Variants in ERICH1 observed in about 807,000 individuals in gnomAD.
ERICH1 encodes the protein glutamate rich 1, also known as glutamate-rich protein 1.
Under a neutral mutation model 39.6 loss-of-function variants are expected in ERICH1, and 56 were observed. That is an observed-to-expected ratio of 1.41 (90% confidence interval 1.14 to 1.77). ERICH1 has a LOEUF of 1.77. Among genes scored for constraint, ERICH1 ranks in the 40% most tolerant of loss-of-function variants. ERICH1 has a pLI of 0.00. For synonymous variants in ERICH1, 313 were observed against 223.6 expected (o/e 1.40, Z -3.57); for missense variants, 826 against 575.4 (o/e 1.44, Z -4.45).
At chr8:703,881 CAA>C (rs932158237) in intron 2 of ERICH1, among the ~76,000 whole-genome samples, 4 of 152,182 alleles carry the variant, frequency 2.6e-5, no homozygotes, top group Non-Finnish European at 5.9e-5. Flanking sequence ...ATCAAGGAAA[CAA>C]GAGAGTGGCA....
chr8:718,289 T>A (rs1286090391), intron 1 of ERICH1, among the ~76,000 whole-genome samples: 1 of 152,112 alleles, frequency 6.6e-6, no homozygotes, highest in Non-Finnish European at 1.5e-5. Context: ...TGGAGCGCAC[T>A]GAGTCTGGCC....
At chr8:674,592 T>C (rs934472211) in intron 3 of ERICH1, among the ~76,000 whole-genome samples, 3 of 152,212 alleles carry the variant, frequency 2.0e-5, no homozygotes, top group East Asian at 1.9e-4. Flanking sequence ...GAATGAGCCA[T>C]TGCGCCTGGC....
At chr8:629,188 T>G (rs944708573) in intron 3 of ERICH1, among the ~76,000 whole-genome samples, 2 of 152,070 alleles carry the variant, frequency 1.3e-5, no homozygotes, top group South Asian at 4.1e-4. Flanking sequence ...CAGCACCCCC[T>G]TCCTAGCCAC....
At chr8:654,328 A>G (rs1585058470) in intron 3 of ERICH1, among the ~76,000 whole-genome samples, 1 of 152,132 alleles carries the variant, frequency 6.6e-6, no homozygotes, top group African/African-American at 2.4e-5. Flanking sequence ...TTGTGCTACC[A>G]TTAGGATGGA....
intron 2 of ERICH1, among the ~76,000 whole-genome samples, chr8:693,496 G>A (rs966788015): frequency 5.9e-5 from 9 of 152,228 alleles, no homozygotes; most frequent in Non-Finnish European, 1.2e-4. Context: ...AGAGGTCGTC[G>A]CCACTGCAGA....
chr8:674,515 G>T (rs1429994684), intron 3 of ERICH1, among the ~76,000 whole-genome samples: 2 of 152,028 alleles, frequency 1.3e-5, no homozygotes, highest in African/African-American at 2.4e-5. Flanking sequence ...TGTTGGCCAG[G>T]GTTGTCTCAA....
At chr8:716,624 A>G (rs1816071196) in intron 1 of ERICH1, among the ~76,000 whole-genome samples, 1 of 152,254 alleles carries the variant, frequency 6.6e-6, no homozygotes, top group Non-Finnish European at 1.5e-5. Context: ...CGTTGTTTAA[A>G]CTGTGGGACA....
chr8:722,251 C>G (rs1817501917), intron 1 of ERICH1, among the ~76,000 whole-genome samples: 1 of 150,376 alleles, frequency 6.6e-6, no homozygotes, highest in African/African-American at 2.5e-5. Flanking sequence ...TGCAGGAAAA[C>G]AAATAAATGA....
rs1016701655 is a variant in ERICH1 at position 729,182 on chromosome 8, G to A, written c.22+1958C>T. Among the ~76,000 whole-genome samples the A allele has an allele frequency of 3.3e-5, 5 of 152,186 alleles. No homozygotes were observed. In the East Asian group the frequency reaches 7.7e-4, roughly 23 times the overall value. On this transcript the variant is annotated intron_variant, in intron 1 of 5. Coordinates refer to ENST00000262109, the MANE Select transcript of ERICH1 (RefSeq NM_207332.3). ...CTCTGCCACACTCAGCAGATGCTCC[G>A]CCAACATCCGGCGGTGAATAAACGA...
chr8:617,584 G>A (rs755002311), intron 3 of ERICH1, among the ~76,000 whole-genome samples: 2 of 151,178 alleles, frequency 1.3e-5, no homozygotes, highest in African/African-American at 2.4e-5. Flanking sequence ...ACTGCCCTCT[G>A]AGTGCTTGGT....
chr8:692,751 G>T, intron 2 of ERICH1, 139 bp from the exon 3 acceptor site: 1 of 1,026,686 alleles, frequency 9.7e-7, no homozygotes, highest in South Asian at 1.8e-5. Flanking sequence ...CCTAACCACT[G>T]TCATAAATAC....
At chr8:687,608 G>C (rs921884941) in intron 3 of ERICH1, among the ~76,000 whole-genome samples, 1 of 152,198 alleles carries the variant, frequency 6.6e-6, no homozygotes, top group African/African-American at 2.4e-5. Flanking sequence ...AGGGAGGCGG[G>C]TCCCTGTGGA....
intron 2 of ERICH1, among the ~76,000 whole-genome samples, chr8:712,013 T>G (rs927693889): frequency 2.6e-5 from 4 of 152,222 alleles, no homozygotes; most frequent in Non-Finnish European, 5.9e-5. Context: ...TGTCTACTCT[T>G]TTGCCAAAAA....
chr8:644,832 C>T lies in ERICH1; in HGVS notation c.976+23766G>A. Reference sequence around the variant, plus strand: ...GGGTGAGTGGGACAAGGTTTACCAGCAACGCCTACATGTGTGTTTTGGGCT... The same window carrying T: ...GGGTGAGTGGGACAAGGTTTACCAGTAACGCCTACATGTGTGTTTTGGGCT... On this transcript the variant is annotated intron_variant, in intron 3 of 3. Coordinates refer to the ERICH1 transcript ENST00000522706. 2.9e-5 allele frequency among the ~76,000 whole-genome samples: 2 copies of T among 68,566 alleles called. 1 individual carries two copies. The highest frequency in any genetic ancestry group is 9.1e-5 in the Non-Finnish European group (2 of 21,910). 45.0% of individuals were successfully genotyped at this position (68,566 alleles called of 152,430 possible).
chr8:615,397 C>G (rs1174233984), intron 3 of ERICH1: 1 of 562,080 alleles, frequency 1.8e-6, no homozygotes, highest in African/African-American at 1.9e-5. Flanking sequence ...GATTAGTCTT[C>G]CTAAGCCCTG....
intron 1 of ERICH1, among the ~76,000 whole-genome samples, chr8:721,759 C>G (rs989887789): frequency 6.6e-6 from 1 of 152,158 alleles, no homozygotes; most frequent in African/African-American, 2.4e-5. Context: ...AGAACATAAA[C>G]GAAAGGTTTT....
intron 2 of ERICH1, among the ~76,000 whole-genome samples, chr8:713,461 C>A (rs548071732): frequency 6.6e-6 from 1 of 152,116 alleles, no homozygotes; most frequent in Non-Finnish European, 1.5e-5. Flanking sequence ...ATGGAATACA[C>A]GGATTTGTCC....
chr8:684,622 A>G (rs935448141), intron 3 of ERICH1, among the ~76,000 whole-genome samples: 3 of 152,096 alleles, frequency 2.0e-5, no homozygotes, highest in African/African-American at 4.8e-5. Context: ...ACATCTGTTT[A>G]CCTCCTGGGG....
intron 2 of ERICH1, among the ~76,000 whole-genome samples, chr8:699,126 C>A (rs539970458): frequency 1.3e-5 from 2 of 152,052 alleles, no homozygotes; most frequent in Non-Finnish European, 2.9e-5. Context: ...AAAAACCCCC[C>A]AAACCCACTA....
Sources: gnomAD v4.1 joint callset for allele counts (sites outside exome capture counted in the v4.1 genomes callset) on GRCh38, gnomAD v4.1.1 for gene constraint, MANE v1.5 for transcripts, NCBI Gene and HGNC (gene_info 2026-07-23, HGNC 2026-07-21) for gene names.